LRRC37A2: variants seen among roughly 807,000 people sequenced by gnomAD.
The protein encoded by LRRC37A2 is leucine-rich repeat-containing protein 37A2.
A neutral mutation model predicts 68.8 loss-of-function variants in LRRC37A2; 9 were observed. That is an observed-to-expected ratio of 0.13 (90% confidence interval 0.08 to 0.23). The LOEUF is 0.23. Among genes scored for constraint, LRRC37A2 ranks in the 10% least tolerant of loss-of-function variants. The pLI is 1.00. For missense variants in LRRC37A2, 168 were observed against 950.4 expected (o/e 0.18, Z 10.82); for synonymous variants, 63 against 367.6 (o/e 0.17, Z 9.48).
chr17:46,841,363 G>C, the LRRC37A2 span, among the ~76,000 whole-genome samples: 1 of 152,212 alleles, frequency 6.6e-6, no homozygotes, highest in Non-Finnish European at 1.5e-5. Context: ...AGACACTGCT[G>C]TGAGGCTTCC....
the LRRC37A2 span, among the ~76,000 whole-genome samples, chr17:47,038,986 G>A: frequency 0.01 from 1,469 of 145,624 alleles, 35 homozygotes; most frequent in African/African-American, 0.034. Flanking sequence ...GAGCCACTGC[G>A]CCCAACCAGT....
chr17:46,539,461 TATAAAG>T (rs1188838316), intron 6 of LRRC37A2, among the ~76,000 whole-genome samples: 2 of 150,560 alleles, frequency 1.3e-5, no homozygotes, highest in African/African-American at 4.9e-5. Context: ...TTAAAAACTT[TATAAAG>T]ATAAAAGACA....
the LRRC37A2 span, chr17:46,818,606 G>T: frequency 6.3e-7 from 1 of 1,590,016 alleles, no homozygotes. Context: ...ATTAGAAGAG[G>T]CGCCGAGGAG....
the LRRC37A2 span, among the ~76,000 whole-genome samples, chr17:46,919,804 G>A: frequency 6.6e-6 from 1 of 152,014 alleles, no homozygotes; most frequent in African/African-American, 2.4e-5. Context: ...AAAATTAGCT[G>A]GGCGTGGTGG....
the LRRC37A2 span, among the ~76,000 whole-genome samples, chr17:46,916,578 C>T: frequency 6.6e-6 from 1 of 152,188 alleles, no homozygotes; most frequent in African/African-American, 2.4e-5. Context: ...CCATTGGTGT[C>T]ATCACTAAAG....
At chr17:47,002,818 T>C in the LRRC37A2 span, among the ~76,000 whole-genome samples, 1 of 152,152 alleles carries the variant, frequency 6.6e-6, no homozygotes, top group African/African-American at 2.4e-5. Flanking sequence ...CCCACATTAC[T>C]TTTTATTGCT....
the LRRC37A2 span, among the ~76,000 whole-genome samples, chr17:46,862,415 G>A: frequency 3.3e-5 from 5 of 152,024 alleles, no homozygotes; most frequent in Non-Finnish European, 7.4e-5. Context: ...ATTCTCCCTG[G>A]TTTGGGTCAG....
At chr17:46,789,369 A>G in the LRRC37A2 span, among the ~76,000 whole-genome samples, 1 of 152,158 alleles carries the variant, frequency 6.6e-6, no homozygotes, top group Non-Finnish European at 1.5e-5. Context: ...ACGGCAGATC[A>G]CTTGGGGTGG....
At chr17:47,000,038 TAAAATAAAATAAAATA>T in the LRRC37A2 span, among the ~76,000 whole-genome samples, 9 of 23,834 alleles carry the variant, frequency 3.8e-4, no homozygotes, top group Non-Finnish European at 7.6e-4. Context: ...TAAAATAAAA[TAAAATAAAATAAAATA>T]AAATAAAATT....
the LRRC37A2 span, among the ~76,000 whole-genome samples, chr17:46,836,816 TC>T: frequency 2.0e-5 from 3 of 152,176 alleles, no homozygotes; most frequent in African/African-American, 7.2e-5. Flanking sequence ...GCTTAGTAAC[TC>T]CCTGGAATTA....
At chr17:46,763,828 CACCAAAAAAAA>C in the LRRC37A2 span, 1 of 35,426 alleles carries the variant, frequency 2.8e-5, no homozygotes, top group African/African-American at 9.7e-5. Context: ...GGTCCACTAC[CACCAAAAAAAA>C]AAAAAAACAA....
chr17:47,021,657 A>C, the LRRC37A2 span: 1 of 656,196 alleles, frequency 1.5e-6, no homozygotes, highest in South Asian at 1.9e-5. Flanking sequence ...GAGATGCCTC[A>C]TCATTTGTGC....
the LRRC37A2 span, among the ~76,000 whole-genome samples, chr17:46,714,695 T>C: frequency 6.6e-6 from 1 of 152,256 alleles, no homozygotes; most frequent in Non-Finnish European, 1.5e-5. Flanking sequence ...TCTTACTTGT[T>C]AGATCATGTT....
chr17:46,992,154 G>C, the LRRC37A2 span, among the ~76,000 whole-genome samples: 3 of 123,232 alleles, frequency 2.4e-5, no homozygotes, highest in African/African-American at 5.6e-5. Flanking sequence ...TGAAGTCAGG[G>C]GTTTGAGACC....
chr17:46,921,461 C>T, the LRRC37A2 span, among the ~76,000 whole-genome samples: 2 of 152,132 alleles, frequency 1.3e-5, no homozygotes, highest in African/African-American at 4.8e-5. Flanking sequence ...GCAATGACAA[C>T]GAAAGCCAAA....
At chr17:46,803,416 C>T in the LRRC37A2 span, among the ~76,000 whole-genome samples, 1 of 152,150 alleles carries the variant, frequency 6.6e-6, no homozygotes, top group African/African-American at 2.4e-5. Context: ...CACCTATGAT[C>T]CCAGCTACTC....
chr17:47,015,508 T>C, the LRRC37A2 span, among the ~76,000 whole-genome samples: 1 of 151,992 alleles, frequency 6.6e-6, no homozygotes, highest in Non-Finnish European at 1.5e-5. Context: ...GTATATGCTA[T>C]GATGTTAGCA....
At chr17:46,723,478 A>G in the LRRC37A2 span, among the ~76,000 whole-genome samples, 1 of 152,228 alleles carries the variant, frequency 6.6e-6, no homozygotes, top group African/African-American at 2.4e-5. Context: ...ACCAACTCAA[A>G]GCCAAAAGGA....
the LRRC37A2 span, among the ~76,000 whole-genome samples, chr17:46,626,132 G>T: frequency 7.5e-6 from 1 of 133,636 alleles, no homozygotes; most frequent in African/African-American, 3.2e-5. Flanking sequence ...TATTTTGTAG[G>T]TTGTTTTTGT....
Sources: gnomAD v4.1 joint callset for allele counts (sites outside exome capture counted in the v4.1 genomes callset) on GRCh38, gnomAD v4.1.1 for gene constraint, MANE v1.5 for transcripts, NCBI Gene and HGNC (gene_info 2026-07-23, HGNC 2026-07-21) for gene names.